Variants in DOCK2 observed in about 807,000 individuals in gnomAD.
DOCK2 encodes dedicator of cytokinesis protein 2.
DOCK2 carries 87 observed loss-of-function variants against 248.9 expected under a neutral mutation model. The observed-to-expected ratio is 0.35, with a 90% CI of 0.29 to 0.42. The LOEUF is 0.42. DOCK2 is among the 10% of genes least tolerant of loss of function. The pLI is 1.00. For synonymous variants in DOCK2, 805 were observed against 821.6 expected, an observed-to-expected ratio of 0.98 and a Z score of 0.35; for missense variants, 1,747 against 2,300.2, an observed-to-expected ratio of 0.76 and a Z score of 4.92.
intron 38 of DOCK2, among the ~76,000 whole-genome samples, chr5:170,044,689 C>T (rs1756636530): frequency 6.6e-6 from 1 of 152,224 alleles, no homozygotes; most frequent in Non-Finnish European, 1.5e-5. Flanking sequence ...GCTTGCTGAG[C>T]TGTCCGTGGG....
rs530248550 is a variant in DOCK2 at position 169,845,408 on chromosome 5, C to G, written c.2799+4556C>G. 8.2e-4 allele frequency among the ~76,000 whole-genome samples: 124 copies of G among 152,142 alleles called. 1 individual carries two copies. The highest frequency in any genetic ancestry group is 5.8e-4 in the East Asian group (3 of 5,174). ...GTAGGCTCTCCCCACATTTAGTGGA[C>G]CCCCCGAGGTCAGGCACCCTGTTTT... On this transcript the variant is annotated intron_variant, in intron 27 of 51. Transcript: ENST00000520908.
At position 170,077,752 on chromosome 5, in the gene DOCK2, C is replaced by G. The variant is rs1321460382; in HGVS notation, c.4909C>G (p.Leu1637Val). 1.5e-5 allele frequency: 24 copies of G among 1,613,838 alleles called. No individual in the cohort carries two copies. The highest frequency in any genetic ancestry group is 2.7e-5 in the African/African-American group (2 of 74,880). Residue 1637 changes from leucine to valine, a missense_variant, in exon 48 of 52, where the codon CTG becomes GTG. Leu to Val is a conservative substitution (Grantham distance 32). This residue lies in a region of DOCK2 where 513 missense variants were observed against 586.1 expected (regional missense o/e 0.88). Transcript: ENST00000520908. ...DRRVGRPRSM[L>V]RSYRQMSIIS... ...GAGAGTGGGCCGTCCCAGGTCTATG[C>G]TGCGCTCATACAGACAGATGTCCAT... is the stretch of plus-strand genomic sequence containing the variant.
intron 26 of DOCK2, among the ~76,000 whole-genome samples, chr5:169,825,882 A>G (rs901072102): frequency 1.3e-5 from 2 of 151,884 alleles, no homozygotes; most frequent in Non-Finnish European, 2.9e-5. Context: ...GAGTCACAAC[A>G]CTACACCCTC....
chr5:169,986,702 G>A lies in DOCK2; in HGVS notation c.2993+780G>A, dbSNP rs551034783. On this transcript the variant is annotated intron_variant, in intron 29 of 51. Coordinates refer to ENST00000520908, the MANE Select transcript of DOCK2 (RefSeq NM_004946.3). ...CAGAACCTGATTCTCAAATCCTGCC[G>A]ATCAGTTCCTTTAAAACAGCATCTT... Among the ~76,000 whole-genome samples the A allele has an allele frequency of 6.6e-5, 10 of 152,220 alleles. No individual in the cohort carries two copies. In the South Asian group the frequency reaches 8.3e-4, roughly 13 times the overall value.
At chr5:169,791,709 A>G (rs1313036336) in intron 25 of DOCK2, among the ~76,000 whole-genome samples, 3 of 152,216 alleles carry the variant, frequency 2.0e-5, no homozygotes, top group Non-Finnish European at 4.4e-5. Context: ...TGTTGGAGAC[A>G]CACTAGCTGG....
intron 27 of DOCK2, among the ~76,000 whole-genome samples, chr5:169,927,534 T>C (rs769775557): frequency 2.6e-5 from 4 of 152,178 alleles, no homozygotes; most frequent in Non-Finnish European, 4.4e-5. Flanking sequence ...TAGTAACTGA[T>C]GGAGTGTAGG....
chr5:169,787,914 G>C (rs1366962131), intron 25 of DOCK2, among the ~76,000 whole-genome samples: 1 of 151,576 alleles, frequency 6.6e-6, no homozygotes, highest in African/African-American at 2.4e-5. Flanking sequence ...TCTGCTAAAT[G>C]CATTGTAATT....
intron 27 of DOCK2, among the ~76,000 whole-genome samples, chr5:169,935,359 GCTCCCA>G (rs1775938619): frequency 4.6e-5 from 7 of 151,890 alleles, no homozygotes; most frequent in African/African-American, 1.7e-4. Context: ...GCGCCCTTCT[GCTCCCA>G]TGGAACCATC....
intron 27 of DOCK2, among the ~76,000 whole-genome samples, chr5:169,914,251 C>T (rs1183242270): frequency 6.6e-6 from 1 of 152,216 alleles, no homozygotes; most frequent in Non-Finnish European, 1.5e-5. Flanking sequence ...TCTCCTCATA[C>T]TATGTTCTAA....
At position 169,894,954 on chromosome 5, in the gene DOCK2, G is replaced by T. The variant is rs368700895; in HGVS notation, c.2799+54102G>T. ...GTTTTGGTGTTGTGGCCCCCCGTGA[G>T]GTCTGCCATTTCTTAAGGGGCCAAG... On this transcript the variant is annotated intron_variant, in intron 27 of 51. Coordinates refer to ENST00000520908, the MANE Select transcript of DOCK2 (RefSeq NM_004946.3). Among the ~76,000 whole-genome samples the T allele has an allele frequency of 1.7e-3, 252 of 152,290 alleles. 1 individual carries two copies. The highest frequency in any genetic ancestry group is 5.4e-3 in the African/African-American group (224 of 41,560).
At chr5:169,766,479 G>A (rs752506228) in intron 25 of DOCK2, among the ~76,000 whole-genome samples, 7 of 152,116 alleles carry the variant, frequency 4.6e-5, no homozygotes, top group South Asian at 2.1e-4. Flanking sequence ...CCATCAGCGC[G>A]TGTTTAGGTT....
chr5:169,722,881 G>A (rs1762283040), intron 22 of DOCK2, among the ~76,000 whole-genome samples: 1 of 152,058 alleles, frequency 6.6e-6, no homozygotes, highest in Non-Finnish European at 1.5e-5. Context: ...TTCTCTGGAG[G>A]CAGGGATAAC....
At chr5:170,034,340 G>A in intron 34 of DOCK2, 59 bp from the exon 35 acceptor site, 1 of 1,594,624 alleles carries the variant, frequency 6.3e-7, no homozygotes, top group South Asian at 1.1e-5. Context: ...CCGCCCACTG[G>A]CCCCAGCACA....
chr5:169,791,314 A>G (rs935773548), intron 25 of DOCK2, among the ~76,000 whole-genome samples: 1 of 152,250 alleles, frequency 6.6e-6, no homozygotes, highest in East Asian at 1.9e-4. Context: ...CTGCAATGCG[A>G]TGGGGAAGCC....
chr5:169,899,324 C>T lies in DOCK2; in HGVS notation c.2799+58472C>T, dbSNP rs115467282. 4.2e-3 allele frequency among the ~76,000 whole-genome samples: 635 copies of T among 152,262 alleles called. 2 individuals are homozygous for T. The highest frequency in any genetic ancestry group is 0.015 in the African/African-American group (605 of 41,552). ...GAGTGCCTGACTTCCTGCCTTGAGA[C>T]TTCTCTCACTCTCTGTAAAGTGCAG... On this transcript the variant is annotated intron_variant, in intron 27 of 51. Coordinates refer to ENST00000520908, the MANE Select transcript of DOCK2 (RefSeq NM_004946.3).
In DOCK2 at chr5:170,075,964, T is replaced by G. The variant is rs745958038; in HGVS notation, c.4746T>G (p.Ala1582=). 6.2e-7 allele frequency: 1 copy of G among 1,614,176 alleles called. No individual in the cohort carries two copies. The highest frequency in any genetic ancestry group is 1.7e-5 in the Admixed American group (1 of 60,026). ...CTCTCCAGATCCCCTTCTTGGGAGC[T>G]GGGATTAAGATCCATGAGAAAAGGG... ...LIAWQIPFLG[A]GIKIHEKRVS... The change falls in exon 47 of 52, where the codon GCT becomes GCG. Residue 1582 remains alanine (A), a synonymous_variant. Transcript: ENST00000520908.
At chr5:169,936,841 C>T (rs1211818578) in intron 27 of DOCK2, among the ~76,000 whole-genome samples, 1 of 152,164 alleles carries the variant, frequency 6.6e-6, no homozygotes, top group African/African-American at 2.4e-5. Context: ...ATTTAAATAA[C>T]AATTTTGTCT....
At position 169,915,944 on chromosome 5, in the gene DOCK2, C is replaced by T. The variant is rs150395543; in HGVS notation, c.2800-67124C>T. The stretch of plus-strand genomic sequence containing the variant: ...CAGGGAAAATCCTACTCTTAAGAAA[C>T]GTTATGCTGAATTCTGTAAGATGAT... On this transcript the variant is annotated intron_variant, in intron 27 of 51. Coordinates refer to ENST00000520908, the MANE Select transcript of DOCK2 (RefSeq NM_004946.3). Among the ~76,000 whole-genome samples, 747 of 152,194 alleles carry T rather than the reference C, an allele frequency of 4.9e-3. 6 individuals are homozygous for T. The highest frequency in any genetic ancestry group is 0.017 in the Middle Eastern group (5 of 294).
intron 51 of DOCK2, 102 bp from the exon 52 acceptor site, chr5:170,082,694 G>A: frequency 1.4e-6 from 2 of 1,416,428 alleles, no homozygotes; most frequent in Non-Finnish European, 9.7e-7. Context: ...CTTTGGGCAG[G>A]GGTCAGTGTT....
Sources: gnomAD v4.1 joint callset for allele counts (sites outside exome capture counted in the v4.1 genomes callset) on GRCh38, gnomAD v4.1.1 for gene constraint, gnomAD v4.1.1 regional missense constraint, MANE v1.5 for transcripts, NCBI Gene and HGNC (gene_info 2026-07-23, HGNC 2026-07-21) for gene names.